SYNPR: variants seen among roughly 807,000 people sequenced by gnomAD.
SYNPR encodes synaptoporin.
A neutral mutation model predicts 32.9 loss-of-function variants in SYNPR; 23 were observed. That is an observed-to-expected ratio of 0.70 (90% CI 0.50 to 0.99). The LOEUF (loss-of-function observed/expected upper bound fraction) is 0.99. Ranked by LOEUF, SYNPR falls within the 50% of genes least tolerant of loss-of-function variation. SYNPR has a pLI of 0.00. For missense variants in SYNPR, 318 were observed against 349.3 expected (o/e 0.91, Z 0.71); for synonymous variants, 146 against 135.9 (o/e 1.07, Z -0.52).
chr3:63,485,113 C>T (rs996234358), intron 3 of SYNPR, among the ~76,000 whole-genome samples: 3 of 151,950 alleles, frequency 2.0e-5, no homozygotes, highest in Admixed American at 1.3e-4. Context: ...GAGGTGAAGA[C>T]TGAAAATGAA....
intron 4 of SYNPR, among the ~76,000 whole-genome samples, chr3:63,598,809 T>G (rs1699997336): frequency 6.6e-6 from 1 of 152,176 alleles, no homozygotes; most frequent in Non-Finnish European, 1.5e-5. Flanking sequence ...GAAAAGGTCT[T>G]CAAAGGCCTA....
the SYNPR span, among the ~76,000 whole-genome samples, chr3:63,222,011 A>ATTTTTTTTTTTTTTTTTTTTT: frequency 9.7e-3 from 549 of 56,374 alleles, 107 homozygotes; most frequent in Non-Finnish European, 0.014. Context: ...GCCATGCTCA[A>ATTTTTTTTTTTTTTTTTTTTT]TTTTTTTTTT....
intron 2 of SYNPR, among the ~76,000 whole-genome samples, chr3:63,461,619 C>T (rs1277000993): frequency 1.3e-5 from 2 of 151,918 alleles, no homozygotes; most frequent in Non-Finnish European, 2.9e-5. Flanking sequence ...CCTCCAAGTT[C>T]TCACCCTATG....
intron 3 of SYNPR, among the ~76,000 whole-genome samples, chr3:63,492,363 C>T (rs1011459659): frequency 2.6e-5 from 4 of 152,280 alleles, no homozygotes; most frequent in African/African-American, 9.6e-5. Flanking sequence ...AGTTAGACCT[C>T]TAATTCTACG....
intron 3 of SYNPR, among the ~76,000 whole-genome samples, chr3:63,539,208 G>C (rs1229492410): frequency 6.6e-6 from 1 of 152,122 alleles, no homozygotes; most frequent in East Asian, 1.9e-4. Context: ...GCATCTCTGT[G>C]TGTTAGTATT....
chr3:63,570,926 G>C (rs1702874497), intron 4 of SYNPR, among the ~76,000 whole-genome samples: 1 of 152,064 alleles, frequency 6.6e-6, no homozygotes, highest in Admixed American at 6.6e-5. Flanking sequence ...CATTTGTTGG[G>C]TTCCTGAAAA....
the SYNPR span, among the ~76,000 whole-genome samples, chr3:63,208,656 G>C: frequency 6.6e-6 from 1 of 152,298 alleles, no homozygotes; most frequent in East Asian, 1.9e-4. Context: ...TGCTGAAAGA[G>C]AATTCTGTAC....
At chr3:63,412,103 C>A (rs1263339542) in intron 2 of SYNPR, among the ~76,000 whole-genome samples, 1 of 151,982 alleles carries the variant, frequency 6.6e-6, no homozygotes, top group Non-Finnish European at 1.5e-5. Flanking sequence ...TGGAACTTCA[C>A]AATAAGTTAG....
intron 1 of SYNPR, among the ~76,000 whole-genome samples, chr3:63,244,857 A>G (rs2086273006): frequency 6.6e-6 from 1 of 152,152 alleles, no homozygotes; most frequent in African/African-American, 2.4e-5. Context: ...TTAGGCAGAC[A>G]TAGAAAGCTC....
intron 2 of SYNPR, among the ~76,000 whole-genome samples, chr3:63,433,761 T>A (rs192633747): frequency 6.6e-6 from 1 of 152,124 alleles, no homozygotes; most frequent in African/African-American, 2.4e-5. Context: ...AGGAGGGATT[T>A]TTTGGTTAAT....
intron 2 of SYNPR, among the ~76,000 whole-genome samples, chr3:63,253,606 A>T (rs1038357280): frequency 1.3e-5 from 2 of 152,218 alleles, no homozygotes; most frequent in Non-Finnish European, 2.9e-5. Flanking sequence ...GCAAATCAAA[A>T]TCACAATGAG....
intron 1 of SYNPR, among the ~76,000 whole-genome samples, chr3:63,241,863 T>C (rs775648257): frequency 6.6e-6 from 1 of 152,100 alleles, no homozygotes; most frequent in Non-Finnish European, 1.5e-5. Context: ...AATAATCTGA[T>C]GGAAAATTTA....
At chr3:63,611,533 T>C (rs925539218) in intron 5 of SYNPR, among the ~76,000 whole-genome samples, 3 of 152,176 alleles carry the variant, frequency 2.0e-5, no homozygotes, top group African/African-American at 4.8e-5. Context: ...AAAGTGTGTC[T>C]TCCCAGGGCA....
At chr3:63,391,823 A>G (rs900771551) in intron 2 of SYNPR, among the ~76,000 whole-genome samples, 1 of 152,166 alleles carries the variant, frequency 6.6e-6, no homozygotes, top group African/African-American at 2.4e-5. Context: ...TGCTAACCCC[A>G]TTTTACAGAA....
rs1460830846 is a variant in SYNPR at position 63,404,716 on chromosome 3, GATTAAT to G, written c.85-76112_85-76107del. On this transcript the variant is annotated intron_variant, in intron 2 of 5. Coordinates refer to ENST00000478300, the MANE Select transcript of SYNPR (RefSeq NM_001130003.2). ...TTCAAGTAAAAATCATAATTCATAG[GATTAAT>G]ATTTGTTATTTGTTAAATATTTATC... Among the ~76,000 whole-genome samples, 8 of 151,900 alleles carry G rather than the reference GATTAAT, an allele frequency of 5.3e-5. No individual in the cohort carries two copies. The East Asian group carries it at 9.7e-4, about 18-fold the overall frequency.
intron 2 of SYNPR, among the ~76,000 whole-genome samples, chr3:63,427,780 T>C (rs1181334845): frequency 6.6e-6 from 1 of 152,218 alleles, no homozygotes; most frequent in Non-Finnish European, 1.5e-5. Context: ...GATATGTGGC[T>C]TGAGAACCTG....
At chr3:63,356,575 G>C (rs1560203406) in intron 2 of SYNPR, among the ~76,000 whole-genome samples, 1 of 152,194 alleles carries the variant, frequency 6.6e-6, no homozygotes, top group Non-Finnish European at 1.5e-5. Context: ...CTGAATCCCA[G>C]ACTGGGTCAG....
the SYNPR span, among the ~76,000 whole-genome samples, chr3:63,210,342 G>C: frequency 1.2e-4 from 19 of 152,204 alleles, no homozygotes; most frequent in Non-Finnish European, 2.4e-4. Context: ...AGCCAGCAGA[G>C]TCTTCACTGG....
chr3:63,430,418 T>C (rs1045260392), intron 2 of SYNPR, among the ~76,000 whole-genome samples: 9 of 151,988 alleles, frequency 5.9e-5, no homozygotes, highest in African/African-American at 1.2e-4. Context: ...ATGGAAATTG[T>C]GTTCTTGTTT....
Sources: gnomAD v4.1 joint callset for allele counts (sites outside exome capture counted in the v4.1 genomes callset) on GRCh38, gnomAD v4.1.1 for gene constraint, MANE v1.5 for transcripts, NCBI Gene and HGNC (gene_info 2026-07-23, HGNC 2026-07-21) for gene names.